PAPSS1: variants seen among roughly 807,000 people sequenced by gnomAD.
The protein encoded by PAPSS1 is 3'-phosphoadenosine 5'-phosphosulfate synthase 1.
PAPSS1 carries 50 observed loss-of-function variants against 72.0 expected under a neutral mutation model. The observed-to-expected ratio is 0.69, with a 90% CI of 0.55 to 0.88. The LOEUF is 0.88. Ranked by LOEUF, PAPSS1 falls within the 40% of genes least tolerant of loss-of-function variation. The probability of loss-of-function intolerance (pLI) is 0.00; values close to 1 mark genes in which losing one functional copy is unlikely to be tolerated. For missense variants in PAPSS1, 657 were observed against 782.2 expected (o/e 0.84, Z 1.91); for synonymous variants, 261 against 263.6 (o/e 0.99, Z 0.09).
chr4:107,713,988 C>T lies in PAPSS1; in HGVS notation c.60+6132G>A, dbSNP rs553814522. Among the ~76,000 whole-genome samples the T allele has an allele frequency of 1.4e-4, 21 of 152,220 alleles. No homozygotes were observed. In the South Asian group the frequency reaches 4.4e-3, roughly 32 times the overall value. On this transcript the variant is annotated intron_variant, in intron 1 of 11. Transcript: ENST00000265174. Reference sequence around the variant, plus strand: ...AAAAGATATGTCACAGAAACGATTACCACCGACAAGATTTCTCTCCTTGAT... The same window carrying T: ...AAAAGATATGTCACAGAAACGATTATCACCGACAAGATTTCTCTCCTTGAT...
At chr4:107,626,921 G>C (rs1726115830) in intron 11 of PAPSS1, among the ~76,000 whole-genome samples, 1 of 151,968 alleles carries the variant, frequency 6.6e-6, no homozygotes, top group African/African-American at 2.4e-5. Context: ...ATTAAGATTT[G>C]GTAACCCCCA....
intron 1 of PAPSS1, among the ~76,000 whole-genome samples, chr4:107,714,833 T>C (rs1723593741): frequency 6.6e-6 from 1 of 151,988 alleles, no homozygotes; most frequent in African/African-American, 2.4e-5. Context: ...ACACCCAGGC[T>C]GGGAAGCATA....
At chr4:107,670,153 A>AGGG (rs1357913310) in intron 5 of PAPSS1, among the ~76,000 whole-genome samples, 1 of 152,214 alleles carries the variant, frequency 6.6e-6, no homozygotes, top group Non-Finnish European at 1.5e-5. Flanking sequence ...AGTTATTTTA[A>AGGG]AAGACAACAT....
Position 107,654,886 on chromosome 4 carries a change from A to G in PAPSS1, c.910T>C (p.Leu304=). Residue 304 remains leucine (L), a synonymous_variant, in exon 8 of 12, where the codon TTG becomes CTG. Coordinates refer to ENST00000265174, the MANE Select transcript of PAPSS1 (RefSeq NM_005443.5). ...GCAGTCAGAACTATAGGTACTGACA[A>G]GTTAATGACACCTCCTGCAGAGCAC... ...DCLLDGGVIN[L]SVPIVLTATH... is the part of the protein sequence containing the mutation. 6.2e-7 allele frequency: 1 copy of G among 1,613,420 alleles called. No individual in the cohort carries two copies. The highest frequency in any genetic ancestry group is 1.1e-5 in the South Asian group (1 of 91,042).
In PAPSS1 at chr4:107,646,366, A is replaced by C. The variant is rs113319158; in HGVS notation, c.1238-1296T>G. 7.3e-3 allele frequency among the ~76,000 whole-genome samples: 1,091 copies of C among 150,202 alleles called. 11 individuals carry two copies. The highest frequency in any genetic ancestry group is 0.024 in the African/African-American group (973 of 40,844). On this transcript the variant is annotated intron_variant, in intron 9 of 11. Transcript: ENST00000265174. ...ACACATACACACACACACATCTCTT[A>C]GTTTTGTCCACTTTTTTTTTTTTTG... is the stretch of plus-strand genomic sequence containing the variant.
chr4:107,664,222 C>G (rs912267678), intron 5 of PAPSS1, among the ~76,000 whole-genome samples: 1 of 152,160 alleles, frequency 6.6e-6, no homozygotes, highest in Non-Finnish European at 1.5e-5. Flanking sequence ...ATAAAGCTTT[C>G]TTTGCCATCT....
intron 4 of PAPSS1, among the ~76,000 whole-genome samples, chr4:107,684,588 G>C (rs112706246): frequency 0.031 from 4,753 of 152,188 alleles, 242 homozygotes; most frequent in African/African-American, 0.11. Flanking sequence ...GACCTCAAAA[G>C]AACTTTGGTC....
chr4:107,710,528 AGT>A (rs1723463331), intron 1 of PAPSS1, among the ~76,000 whole-genome samples: 1 of 15,690 alleles, frequency 6.4e-5, no homozygotes, highest in Admixed American at 1.8e-3. Flanking sequence ...GTCCGAAGGG[AGT>A]AAGTGGATGA....
chr4:107,696,708 G>A (rs1309375973), intron 2 of PAPSS1, among the ~76,000 whole-genome samples: 3 of 151,830 alleles, frequency 2.0e-5, no homozygotes, highest in East Asian at 1.9e-4. Flanking sequence ...CAAACTGCAC[G>A]TTCTACACAT....
At chr4:107,685,057 C>A (rs533264805) in intron 4 of PAPSS1, among the ~76,000 whole-genome samples, 22 of 152,224 alleles carry the variant, frequency 1.4e-4, no homozygotes, top group Admixed American at 5.9e-4. Context: ...AGGCGCCCGC[C>A]ACCATGCTGA....
intron 11 of PAPSS1, among the ~76,000 whole-genome samples, chr4:107,623,381 C>T (rs1255881800): frequency 6.6e-6 from 1 of 151,998 alleles, no homozygotes; most frequent in Non-Finnish European, 1.5e-5. Context: ...AGGAGTAAGT[C>T]GAGACCTAGG....
intron 5 of PAPSS1, among the ~76,000 whole-genome samples, chr4:107,663,655 G>A (rs1331974034): frequency 6.6e-6 from 1 of 152,078 alleles, no homozygotes; most frequent in Non-Finnish European, 1.5e-5. Flanking sequence ...GTCTTTCAAT[G>A]GACTTAACAT....
intron 1 of PAPSS1, among the ~76,000 whole-genome samples, chr4:107,707,268 C>T (rs1249889190): frequency 1.3e-5 from 2 of 152,168 alleles, no homozygotes; most frequent in East Asian, 1.9e-4. Context: ...AGCTTGAAGC[C>T]TGTATCCACA....
chr4:107,657,553 C>A (rs1228137777), intron 6 of PAPSS1, among the ~76,000 whole-genome samples: 1 of 152,082 alleles, frequency 6.6e-6, no homozygotes, highest in Non-Finnish European at 1.5e-5. Flanking sequence ...GAAACCCAGT[C>A]TCTACTAAAA....
intron 6 of PAPSS1, among the ~76,000 whole-genome samples, chr4:107,658,350 AT>A (rs1265278533): frequency 3.7e-4 from 48 of 130,354 alleles, no homozygotes; most frequent in African/African-American, 1.4e-3. Flanking sequence ...GCGAGACTCC[AT>A]TTAAAAAAAA....
At chr4:107,640,038 A>G (rs1726494499) in intron 10 of PAPSS1, among the ~76,000 whole-genome samples, 1 of 152,214 alleles carries the variant, frequency 6.6e-6, no homozygotes, top group South Asian at 2.1e-4. Context: ...AAAACTTCAT[A>G]AACCGAGGGT....
At chr4:107,640,507 T>A (rs1382676450) in intron 10 of PAPSS1, among the ~76,000 whole-genome samples, 1 of 149,830 alleles carries the variant, frequency 6.7e-6, no homozygotes, top group Admixed American at 6.7e-5. Context: ...CAAATAAGCA[T>A]TACTGACAGA....
chr4:107,645,705 C>T (rs910947028), intron 9 of PAPSS1, among the ~76,000 whole-genome samples: 2 of 152,206 alleles, frequency 1.3e-5, no homozygotes, highest in African/African-American at 4.8e-5. Context: ...CTCCTGCTTA[C>T]AACCCTGGGT....
chr4:107,655,390 G>A (rs766831381), intron 7 of PAPSS1, among the ~76,000 whole-genome samples: 1 of 152,156 alleles, frequency 6.6e-6, no homozygotes, highest in Non-Finnish European at 1.5e-5. Context: ...GTATCCTTGA[G>A]ATAGGAAGAC....
Sources: allele counts gnomAD v4.1 joint callset (sites outside exome capture counted in the v4.1 genomes callset), GRCh38; gene constraint gnomAD v4.1.1; transcripts MANE v1.5; gene names NCBI Gene and HGNC (gene_info 2026-07-23, HGNC 2026-07-21).